The following PPME1 variants were observed in gnomAD, a reference collection of about 807,000 sequenced individuals.
PPME1 encodes testicular secretory protein Li 39.
Under a neutral mutation model 56.9 loss-of-function variants are expected in PPME1, and 17 were observed. The ratio of observed to expected loss-of-function variants is 0.30; its 90% CI spans 0.20 to 0.45. The LOEUF is 0.45. PPME1 is among the 20% of genes least tolerant of loss of function. The pLI, the probability that PPME1 is intolerant of heterozygous loss-of-function variation, is 1.00. For missense variants in PPME1, 357 were observed against 483.2 expected (o/e 0.74, Z 2.45); for synonymous variants, 122 against 156.2 (o/e 0.78, Z 1.63).
Position 74,239,721 on chromosome 11 carries a change from C to T in PPME1, c.834+465C>T, listed in dbSNP as rs373453241. Among the ~76,000 whole-genome samples the T allele has an allele frequency of 2.9e-4, 44 of 151,928 alleles. No homozygotes were observed. The East Asian group carries it at 3.7e-3, about 13-fold the overall frequency. On this transcript the variant is annotated intron_variant, in intron 9 of 13. Transcript: ENST00000328257. ...CCTCCCATGTAGCTGGGACTACAGG[C>T]GCCCGCCACCACACCCAGCTAATTT...
At chr11:74,203,951 G>T in intron 2 of PPME1, 130 bp downstream of exon 2, 1 of 636,234 alleles carries the variant, frequency 1.6e-6, no homozygotes, top group Non-Finnish European at 2.5e-6. Context: ...TGTTCTTTAT[G>T]GAATATTGCC....
At chr11:74,185,881 C>T (rs947895559) in intron 1 of PPME1, among the ~76,000 whole-genome samples, 5 of 152,144 alleles carry the variant, frequency 3.3e-5, no homozygotes, top group African/African-American at 1.2e-4. Flanking sequence ...TGGTCTGACT[C>T]AGCAGGTTGG....
At chr11:74,178,149 G>T (rs1857443889) in intron 1 of PPME1, among the ~76,000 whole-genome samples, 1 of 152,160 alleles carries the variant, frequency 6.6e-6, no homozygotes, top group Non-Finnish European at 1.5e-5. Flanking sequence ...TCCTTAGAAT[G>T]GTGGCTTTTC....
rs72984898 is a variant in PPME1, at chr11:74,171,369, C to G, written c.-53C>G. The stretch of plus-strand genomic sequence containing the variant: ...TCGTGACCGGTTGGGCCACACTCAA[C>G]GTGGGACGAAGCTTCGCCTACTGTT... On this transcript the variant is annotated 5_prime_UTR_variant, in exon 1 of 14. Transcript: ENST00000328257. 14,760 of 1,560,256 alleles carry G rather than the reference C, an allele frequency of 9.5e-3. 81 individuals carry two copies. The highest frequency in any genetic ancestry group is 0.011 in the Non-Finnish European group (12,981 of 1,151,680).
At chr11:74,194,343 G>A (rs139035473) in intron 1 of PPME1, among the ~76,000 whole-genome samples, 1 of 151,018 alleles carries the variant, frequency 6.6e-6, no homozygotes, top group Admixed American at 6.6e-5. Flanking sequence ...TTCCCACCTC[G>A]GGCTTTGTGT....
At chr11:74,173,892 C>T (rs923212869) in intron 1 of PPME1, among the ~76,000 whole-genome samples, 1 of 152,140 alleles carries the variant, frequency 6.6e-6, no homozygotes, top group Non-Finnish European at 1.5e-5. Context: ...AGGTTAACTG[C>T]TTATCCTGGA....
intron 13 of PPME1, among the ~76,000 whole-genome samples, chr11:74,252,103 CTTTTTT>C (rs60650207): frequency 6.0e-5 from 7 of 117,018 alleles, no homozygotes; most frequent in African/African-American, 2.4e-4. Flanking sequence ...TGGAGCAGGG[CTTTTTT>C]TTTTTTTTTT....
rs978454474 is a variant in PPME1, at chr11:74,239,308, T to C, written c.834+52T>C. On this transcript the variant is annotated intron_variant, in intron 9 of 13. Transcript: ENST00000328257. ...AGATGCGGTATGGAATGGTTCAAAC[T>C]GTGTGTGGGTGGGAAGGGGTGATAA... 5.1e-6 allele frequency: 8 copies of C among 1,583,496 alleles called. No individual in the cohort carries two copies. The Admixed American group carries it at 1.5e-4, about 29-fold the overall frequency.
Position 74,171,377 on chromosome 11 carries a change from G to C in PPME1, c.-45G>C. On this transcript the variant is annotated 5_prime_UTR_variant, in exon 1 of 14. Transcript: ENST00000328257. The stretch of plus-strand genomic sequence containing the variant: ...GGTTGGGCCACACTCAACGTGGGAC[G>C]AAGCTTCGCCTACTGTTTGACTACG... 6.4e-7 allele frequency: 1 copy of C among 1,573,112 alleles called. No homozygotes were observed. Among genetic ancestry groups the C allele is most frequent in the East Asian group, 2.3e-5 (1 of 42,942 alleles).
intron 3 of PPME1, among the ~76,000 whole-genome samples, chr11:74,210,978 A>G (rs1858458376): frequency 6.6e-6 from 1 of 152,242 alleles, no homozygotes; most frequent in East Asian, 1.9e-4. Context: ...TCTCTACAAA[A>G]TCAACTGACA....
chr11:74,245,978 T>G, intron 9 of PPME1, 98 bp from the exon 10 acceptor site: 1 of 1,390,416 alleles, frequency 7.2e-7, no homozygotes, highest in Non-Finnish European at 9.7e-7. Flanking sequence ...TAATAAGTGC[T>G]AGTTTCCTTC....
chr11:74,244,329 T>C (rs1334896361), intron 9 of PPME1, among the ~76,000 whole-genome samples: 1 of 152,208 alleles, frequency 6.6e-6, no homozygotes, highest in Non-Finnish European at 1.5e-5. Flanking sequence ...GTTTTTAATA[T>C]TTTGAGGAAC....
chr11:74,215,185 CA>C, intron 3 of PPME1, among the ~76,000 whole-genome samples: 1 of 152,054 alleles, frequency 6.6e-6, no homozygotes, highest in Non-Finnish European at 1.5e-5. Flanking sequence ...ATCTCTACAA[CA>C]AAAAATTGAC....
intron 8 of PPME1, 82 bp from the exon 9 acceptor site, chr11:74,239,051 A>T: frequency 7.5e-7 from 1 of 1,328,920 alleles, no homozygotes; most frequent in Non-Finnish European, 1.0e-6. Context: ...TTTGATTATA[A>T]AAGGCCGTAA....
chr11:74,178,191 A>G (rs1041151993), intron 1 of PPME1, among the ~76,000 whole-genome samples: 1 of 152,180 alleles, frequency 6.6e-6, no homozygotes, highest in Non-Finnish European at 1.5e-5. Flanking sequence ...TGGTTGCAGG[A>G]TGGCTGCTGC....
chr11:74,245,800 C>T (rs978312662), intron 9 of PPME1, among the ~76,000 whole-genome samples: 4 of 152,152 alleles, frequency 2.6e-5, no homozygotes, highest in Non-Finnish European at 5.9e-5. Context: ...TTGGCACTAC[C>T]ACTTACTAGC....
At chr11:74,252,321 C>G (rs1378906304) in intron 13 of PPME1, 3 of 389,926 alleles carry the variant, frequency 7.7e-6, no homozygotes, top group Non-Finnish European at 1.6e-5. Context: ...CTCCTGGCCT[C>G]AAGTGATCCA....
At chr11:74,232,933 C>G (rs186504348) in intron 7 of PPME1, among the ~76,000 whole-genome samples, 13 of 141,184 alleles carry the variant, frequency 9.2e-5, no homozygotes, top group Non-Finnish European at 1.6e-4. Flanking sequence ...AACTCCTGAG[C>G]TCAAGCAGTC....
At chr11:74,191,684 CT>C (rs1317767731) in intron 1 of PPME1, among the ~76,000 whole-genome samples, 10 of 152,222 alleles carry the variant, frequency 6.6e-5, no homozygotes, top group African/African-American at 2.2e-4. Flanking sequence ...CCAGCCAGGG[CT>C]CAAAATGCCC....
Sources: gnomAD v4.1 joint callset for allele counts (sites outside exome capture counted in the v4.1 genomes callset) on GRCh38, gnomAD v4.1.1 for gene constraint, MANE v1.5 for transcripts, NCBI Gene and HGNC (gene_info 2026-07-23, HGNC 2026-07-21) for gene names.